The following NALF1 variants were observed in gnomAD, a reference collection of about 807,000 sequenced individuals.
NALF1 encodes family with sequence similarity 155 member A.
In NALF1, 3 loss-of-function variants were observed where a neutral mutation model predicts 48.4. The observed-to-expected ratio is 0.06, with a 90% CI of 0.03 to 0.16. The LOEUF is 0.16. Among genes scored for constraint, NALF1 ranks in the 10% least tolerant of loss-of-function variants. The pLI, the probability that NALF1 is intolerant of heterozygous loss-of-function variation, is 1.00. For missense variants in NALF1, 526 were observed against 571.5 expected, an observed-to-expected ratio of 0.92 and a Z score of 0.81; for synonymous variants, 262 against 245.7, an observed-to-expected ratio of 1.07 and a Z score of -0.62.
chr13:107,693,500 T>C (rs748326739), intron 1 of NALF1, among the ~76,000 whole-genome samples: 1 of 151,990 alleles, frequency 6.6e-6, no homozygotes, highest in Non-Finnish European at 1.5e-5. Context: ...AACAGTATAC[T>C]TCTGGAATAA....
chr13:107,399,673 C>G (rs1883771579), intron 1 of NALF1, among the ~76,000 whole-genome samples: 1 of 152,094 alleles, frequency 6.6e-6, no homozygotes, highest in Admixed American at 6.6e-5. Context: ...TCACACCCCA[C>G]CAACACCCTC....
chr13:107,220,114 T>G (rs1191387990), intron 1 of NALF1, among the ~76,000 whole-genome samples: 1 of 152,238 alleles, frequency 6.6e-6, no homozygotes, highest in Non-Finnish European at 1.5e-5. Context: ...AAAGAAAATC[T>G]GCTGTTCCTC....
intron 1 of NALF1, among the ~76,000 whole-genome samples, chr13:107,437,271 T>C (rs1884477997): frequency 6.6e-6 from 1 of 152,182 alleles, no homozygotes; most frequent in African/African-American, 2.4e-5. Flanking sequence ...AGGGGTACAC[T>C]GACTATCCTG....
chr13:107,546,440 T>C (rs1324448941), intron 1 of NALF1, among the ~76,000 whole-genome samples: 1 of 152,206 alleles, frequency 6.6e-6, no homozygotes, highest in Admixed American at 6.6e-5. Context: ...CAGAATATAA[T>C]GGGCTGAGTT....
intron 1 of NALF1, among the ~76,000 whole-genome samples, chr13:107,654,634 A>C (rs1880530019): frequency 6.6e-6 from 1 of 152,148 alleles, no homozygotes. Context: ...AATCCTCCCT[A>C]AATCATTCTA....
intron 1 of NALF1, among the ~76,000 whole-genome samples, chr13:107,438,850 A>AAAAAAAAAAAAT (rs1566342623): frequency 6.8e-6 from 1 of 148,072 alleles, no homozygotes; most frequent in Non-Finnish European, 1.5e-5. Context: ...AAAAAAAAAA[A>AAAAAAAAAAAAT]AGAATAATAT....
chr13:107,236,508 A>C (rs987579469), intron 1 of NALF1, among the ~76,000 whole-genome samples: 1 of 152,170 alleles, frequency 6.6e-6, no homozygotes, highest in African/African-American at 2.4e-5. Flanking sequence ...GAGTCCCCAG[A>C]GCGCATAATA....
intron 1 of NALF1, among the ~76,000 whole-genome samples, chr13:107,762,254 TA>T (rs1202970688): frequency 2.0e-5 from 3 of 148,028 alleles, no homozygotes; most frequent in African/African-American, 7.5e-5. Flanking sequence ...AAAAAAAAAG[TA>T]AAAGTTAATT....
At chr13:107,213,230 CAAAAAAAAAAAAAAAAA>C (rs386380636) in intron 1 of NALF1, among the ~76,000 whole-genome samples, 1 of 103,384 alleles carries the variant, frequency 9.7e-6, no homozygotes, top group African/African-American at 3.8e-5. Context: ...TTTTTTAACT[CAAAAAAAAAAAAAAAAA>C]AAAGAAAAGA....
intron 1 of NALF1, among the ~76,000 whole-genome samples, chr13:107,513,788 A>G (rs1034400147): frequency 1.3e-5 from 2 of 152,220 alleles, no homozygotes; most frequent in African/African-American, 4.8e-5. Flanking sequence ...GCCATCCCAA[A>G]ATAGAAAGAA....
chr13:107,670,349 C>T (rs1051554024), intron 1 of NALF1, among the ~76,000 whole-genome samples: 3 of 151,994 alleles, frequency 2.0e-5, no homozygotes, highest in Non-Finnish European at 4.4e-5. Context: ...TAGGAAGGGT[C>T]GTAGTATCTC....
chr13:107,385,813 T>C (rs1186984210), intron 1 of NALF1, among the ~76,000 whole-genome samples: 1 of 152,208 alleles, frequency 6.6e-6, no homozygotes, highest in South Asian at 2.1e-4. Flanking sequence ...TAGAAAGTGC[T>C]ATTTCATAGC....
At chr13:107,208,790 T>G (rs1251677731) in intron 2 of NALF1, among the ~76,000 whole-genome samples, 1 of 152,188 alleles carries the variant, frequency 6.6e-6, no homozygotes, top group Non-Finnish European at 1.5e-5. Context: ...ATAGCCTGTG[T>G]CTGGTGAATT....
chr13:107,502,457 C>A (rs1355388498), intron 1 of NALF1, among the ~76,000 whole-genome samples: 9 of 152,166 alleles, frequency 5.9e-5, no homozygotes, highest in Non-Finnish European at 1.3e-4. Flanking sequence ...AGGATTTCAA[C>A]AATGATCATA....
chr13:107,190,990 G>C (rs760183250), intron 2 of NALF1, among the ~76,000 whole-genome samples: 2 of 152,190 alleles, frequency 1.3e-5, no homozygotes, highest in Admixed American at 1.3e-4. Flanking sequence ...TTCACTGATT[G>C]ATGGAAAATA....
At chr13:107,848,362 G>T (rs1362885895) in intron 1 of NALF1, among the ~76,000 whole-genome samples, 3 of 152,180 alleles carry the variant, frequency 2.0e-5, no homozygotes, top group Non-Finnish European at 2.9e-5. Flanking sequence ...AAGATGGAAT[G>T]TTTGATGTTA....
intron 1 of NALF1, among the ~76,000 whole-genome samples, chr13:107,812,945 T>C (rs1208993959): frequency 1.5e-4 from 23 of 151,978 alleles, no homozygotes; most frequent in Admixed American, 1.4e-3. Flanking sequence ...TTGTAGAGAA[T>C]AGGTTTTGCC....
intron 1 of NALF1, among the ~76,000 whole-genome samples, chr13:107,630,415 G>A (rs1011980468): frequency 5.9e-5 from 9 of 152,058 alleles, no homozygotes; most frequent in Non-Finnish European, 1.0e-4. Flanking sequence ...CTGGGAAAAC[G>A]CTCAAATATC....
intron 1 of NALF1, among the ~76,000 whole-genome samples, chr13:107,539,751 A>C (rs1262547125): frequency 6.6e-6 from 1 of 152,112 alleles, no homozygotes; most frequent in Admixed American, 6.6e-5. Flanking sequence ...AATGTTCTAA[A>C]TCATATGACT....
Sources: gnomAD v4.1 joint callset for allele counts (sites outside exome capture counted in the v4.1 genomes callset) on GRCh38, gnomAD v4.1.1 for gene constraint, MANE v1.5 for transcripts, NCBI Gene and HGNC (gene_info 2026-07-23, HGNC 2026-07-21) for gene names.